SLIT1: variants seen among roughly 807,000 people sequenced by gnomAD.
SLIT1 encodes slit guidance ligand 1.
SLIT1 carries 66 observed loss-of-function variants against 186.1 expected under a neutral mutation model. The observed-to-expected ratio is 0.35, with a 90% CI of 0.29 to 0.44. The LOEUF (loss-of-function observed/expected upper bound fraction) is 0.44, where lower values mean the gene tolerates loss of function less well. Ranked by LOEUF, SLIT1 falls within the 20% of genes least tolerant of loss-of-function variation. SLIT1 has a pLI of 1.00. For synonymous variants in SLIT1, 761 were observed against 833.8 expected (o/e 0.91, Z 1.50); for missense variants, 1,638 against 2,037.4 (o/e 0.80, Z 3.77).
chr10:97,129,485 G>T (rs560820574), intron 4 of SLIT1, among the ~76,000 whole-genome samples: 3 of 152,294 alleles, frequency 2.0e-5, no homozygotes, highest in South Asian at 4.1e-4. Flanking sequence ...CCTGATCTCA[G>T]TTAGGACCCA....
chr10:97,179,737 T>G (rs888215626), intron 1 of SLIT1, among the ~76,000 whole-genome samples: 1 of 151,984 alleles, frequency 6.6e-6, no homozygotes, highest in Non-Finnish European at 1.5e-5. Flanking sequence ...ACAGGCTGGG[T>G]TCCAGAAAGG....
intron 4 of SLIT1, among the ~76,000 whole-genome samples, chr10:97,128,141 G>A (rs993692897): frequency 1.7e-4 from 26 of 151,976 alleles, no homozygotes; most frequent in Admixed American, 1.2e-3. Context: ...TGTAAGTGAG[G>A]CTGGCCTCAG....
At position 97,021,714 on chromosome 10, in the gene SLIT1, C is replaced by T. The variant is rs1030946213; in HGVS notation, c.2583-301G>A. Among the ~76,000 whole-genome samples, 14 of 152,208 alleles carry T rather than the reference C, an allele frequency of 9.2e-5. No individual in the cohort carries two copies. The highest frequency in any genetic ancestry group is 1.9e-4 in the East Asian group (1 of 5,176). ...AGTATCTGGGATTACAGACACACAC[C>T]GCCATGCACAGCTAATTTTTGTATT... is the stretch of plus-strand genomic sequence containing the variant. On this transcript the variant is annotated intron_variant, in intron 25 of 36. Coordinates refer to ENST00000266058, the MANE Select transcript of SLIT1 (RefSeq NM_003061.3). The surrounding 1 kb of genome is among the most constrained non-coding windows in gnomAD (Gnocchi z 4.5).
chr10:97,119,980 T>C (rs1437638244), intron 4 of SLIT1, among the ~76,000 whole-genome samples: 1 of 139,532 alleles, frequency 7.2e-6, no homozygotes, highest in Non-Finnish European at 1.6e-5. Flanking sequence ...TACTTATCCA[T>C]TTAACAAACA....
chr10:97,032,523 C>T (rs964599810), intron 23 of SLIT1, among the ~76,000 whole-genome samples: 1 of 151,232 alleles, frequency 6.6e-6, no homozygotes, highest in Non-Finnish European at 1.5e-5. Context: ...GAGCCAAAAT[C>T]GCGCCACTGC....
intron 14 of SLIT1, among the ~76,000 whole-genome samples, 187 bp from the exon 15 acceptor site, chr10:97,048,183 G>A (rs1289103944): frequency 6.6e-6 from 1 of 152,204 alleles, no homozygotes; most frequent in Non-Finnish European, 1.5e-5. Flanking sequence ...CTGACACTGG[G>A]GGTGTCGCAT....
intron 36 of SLIT1, 50 bp downstream of exon 36, chr10:97,002,108 C>G (rs1003324904): frequency 3.2e-6 from 4 of 1,243,182 alleles, no homozygotes; most frequent in Non-Finnish European, 3.2e-6. Context: ...ATTGCTAAAG[C>G]AATTTGTGGG....
At chr10:97,119,925 ATATATATATATATATATATATG>A (rs1849544671) in intron 4 of SLIT1, among the ~76,000 whole-genome samples, 1 of 127,694 alleles carries the variant, frequency 7.8e-6, no homozygotes, top group Admixed American at 7.7e-5. Context: ...ATATATATAT[ATATATATATATATATATATATG>A]TATATGTATA....
At chr10:97,056,213 A>C (rs561525499) in intron 13 of SLIT1, 108 bp downstream of exon 13, 1 of 1,272,804 alleles carries the variant, frequency 7.9e-7, no homozygotes, top group Non-Finnish European at 1.1e-6. Flanking sequence ...GGCCACCCCC[A>C]GTGAGCACAG....
At chr10:97,166,620 A>AGAGAG (rs57763409) in intron 1 of SLIT1, among the ~76,000 whole-genome samples, 2 of 29,806 alleles carry the variant, frequency 6.7e-5, no homozygotes, top group East Asian at 6.7e-4. Flanking sequence ...AGAAAGAAAG[A>AGAGAG]AAGAGAAAAG....
intron 4 of SLIT1, among the ~76,000 whole-genome samples, chr10:97,142,039 G>A (rs932612787): frequency 6.6e-6 from 1 of 152,048 alleles, no homozygotes. Flanking sequence ...CTGGACTCAA[G>A]CAATCCTCCC....
In SLIT1 at chr10:97,097,206, G is replaced by A. The variant is rs117536448; in HGVS notation, c.414-31120C>T. On this transcript the variant is annotated intron_variant, in intron 4 of 36. Coordinates refer to ENST00000266058, the MANE Select transcript of SLIT1 (RefSeq NM_003061.3). ...CACATCTCATCCCTACAGCTACTAC[G>A]CTGATGGGCCTGAGAAAGAGGATCC... Among the ~76,000 whole-genome samples, 1,433 of 152,290 alleles carry A rather than the reference G, an allele frequency of 9.4e-3. 6 individuals are homozygous for A. The highest frequency in any genetic ancestry group is 0.014 in the Non-Finnish European group (964 of 68,032).
intron 4 of SLIT1, among the ~76,000 whole-genome samples, chr10:97,074,093 C>A (rs548919671): frequency 6.6e-6 from 1 of 152,292 alleles, no homozygotes; most frequent in South Asian, 2.1e-4. Context: ...CTTTTCGGCA[C>A]AACCCAGGCT....
intron 4 of SLIT1, among the ~76,000 whole-genome samples, chr10:97,121,075 G>A (rs1849556489): frequency 6.6e-6 from 1 of 152,078 alleles, no homozygotes; most frequent in Non-Finnish European, 1.5e-5. Context: ...CTGACAGTTG[G>A]CACTACTTTG....
chr10:97,035,714 G>T (rs1464689094), intron 22 of SLIT1, among the ~76,000 whole-genome samples: 1 of 152,178 alleles, frequency 6.6e-6, no homozygotes, highest in East Asian at 1.9e-4. Flanking sequence ...TGGACTCCAG[G>T]CCCTCTAGCT....
At position 97,004,248 on chromosome 10, in the gene SLIT1, C is replaced by T. The variant is rs992511430; in HGVS notation, c.3711-26G>A. The T allele has an allele frequency of 1.3e-6, 2 of 1,590,310 alleles. No homozygotes were observed. Among genetic ancestry groups the T allele is most frequent in the Non-Finnish European group, 1.7e-6 (2 of 1,161,294 alleles). On this transcript the variant is annotated intron_variant, in intron 33 of 36. Coordinates refer to ENST00000266058, the MANE Select transcript of SLIT1 (RefSeq NM_003061.3). The surrounding 1 kb of genome is among the most constrained non-coding windows in gnomAD (Gnocchi z 5.1). ...CTGGAGGAAGAGGGGGTTCCCCGTT[C>T]CAGGGAGTGGGCATCAGTCTGGACC...
intron 4 of SLIT1, among the ~76,000 whole-genome samples, chr10:97,081,059 C>A (rs1004883656): frequency 2.0e-5 from 3 of 152,218 alleles, no homozygotes; most frequent in Admixed American, 6.5e-5. Flanking sequence ...CCACCCTTCA[C>A]ACGCATCACT....
chr10:97,045,674 A>T (rs370346795), intron 18 of SLIT1, among the ~76,000 whole-genome samples: 1 of 152,268 alleles, frequency 6.6e-6, no homozygotes, highest in Admixed American at 6.5e-5. Context: ...CTATAGGAAC[A>T]GCCTGGAAAG....
At chr10:97,061,964 T>C (rs530728858) in intron 8 of SLIT1, among the ~76,000 whole-genome samples, 6 of 152,318 alleles carry the variant, frequency 3.9e-5, no homozygotes, top group Admixed American at 2.0e-4. Flanking sequence ...TCCTGGCATA[T>C]TGTGACAGTG....
Sources: allele counts gnomAD v4.1 joint callset (sites outside exome capture counted in the v4.1 genomes callset), GRCh38; gene constraint gnomAD v4.1.1; non-coding constraint Gnocchi (gnomAD v3.1); transcripts MANE v1.5; gene names NCBI Gene and HGNC (gene_info 2026-07-23, HGNC 2026-07-21).